Variants in AMPH observed in about 807,000 individuals in gnomAD.
The protein encoded by AMPH is amphiphysin (Stiff-Mann syndrome with breast cancer 128kD autoantigen).
In AMPH, 49 loss-of-function variants were observed where a neutral mutation model predicts 99.1. The observed-to-expected ratio is 0.49, with a 90% CI of 0.39 to 0.63. The LOEUF is 0.63. Ranked by LOEUF, AMPH falls within the 20% of genes least tolerant of loss-of-function variation. The pLI is 0.00. For synonymous variants in AMPH, 314 were observed against 317.3 expected (o/e 0.99, Z 0.11); for missense variants, 759 against 863.4 (o/e 0.88, Z 1.52).
intron 9 of AMPH, among the ~76,000 whole-genome samples, chr7:38,463,449 T>C (rs1169088962): frequency 1.3e-5 from 2 of 152,242 alleles, no homozygotes; most frequent in African/African-American, 4.8e-5. Context: ...ATTCAGGTCT[T>C]AGTAATGCAA....
chr7:38,587,384 A>G (rs1792694879), intron 1 of AMPH, among the ~76,000 whole-genome samples: 1 of 152,214 alleles, frequency 6.6e-6, no homozygotes, highest in African/African-American at 2.4e-5. Context: ...AGGTGGTTCC[A>G]GGAGAAACTG....
At chr7:38,535,848 T>C (rs925688038) in intron 1 of AMPH, among the ~76,000 whole-genome samples, 1 of 152,168 alleles carries the variant, frequency 6.6e-6, no homozygotes, top group Non-Finnish European at 1.5e-5. Flanking sequence ...CTCCCTCACC[T>C]GCTGCTCACT....
intron 7 of AMPH, among the ~76,000 whole-genome samples, 192 bp downstream of exon 7, chr7:38,475,139 A>T (rs1434026430): frequency 6.6e-6 from 1 of 152,182 alleles, no homozygotes; most frequent in Non-Finnish European, 1.5e-5. Context: ...CCTCCTTTTT[A>T]ATCCTAGCCA....
intron 1 of AMPH, among the ~76,000 whole-genome samples, chr7:38,605,279 G>A (rs1408405311): frequency 6.6e-6 from 1 of 152,120 alleles, no homozygotes; most frequent in African/African-American, 2.4e-5. Context: ...GCAAGAGGAA[G>A]AAAGGGGTTT....
intron 1 of AMPH, among the ~76,000 whole-genome samples, chr7:38,573,390 C>T (rs894161868): frequency 6.6e-6 from 1 of 152,206 alleles, no homozygotes; most frequent in Non-Finnish European, 1.5e-5. Flanking sequence ...TATACACATA[C>T]ATACACTCCT....
intron 12 of AMPH, among the ~76,000 whole-genome samples, chr7:38,435,262 C>A (rs1786216633): frequency 6.6e-6 from 1 of 152,080 alleles, no homozygotes; most frequent in Admixed American, 6.5e-5. Flanking sequence ...TTTAGAAGCC[C>A]AATCACATTC....
intron 11 of AMPH, among the ~76,000 whole-genome samples, chr7:38,448,629 T>G (rs1786884131): frequency 6.6e-6 from 1 of 152,194 alleles, no homozygotes; most frequent in South Asian, 2.1e-4. Flanking sequence ...TTATGTAGTA[T>G]TTTTGGATCA....
chr7:38,619,057 T>C (rs769363397), intron 1 of AMPH, among the ~76,000 whole-genome samples: 10 of 152,150 alleles, frequency 6.6e-5, no homozygotes, highest in Admixed American at 1.3e-4. Flanking sequence ...CCAGGCATGA[T>C]GGCAAGTGCC....
intron 5 of AMPH, among the ~76,000 whole-genome samples, chr7:38,488,001 G>T (rs1024287536): frequency 6.6e-6 from 1 of 152,084 alleles, no homozygotes; most frequent in Non-Finnish European, 1.5e-5. Context: ...TTAGAATGGC[G>T]ATCAATAAAA....
rs188628619 is a variant in AMPH, at chr7:38,439,392, T to A, written c.1018-3004A>T. ...GCTCAACTTCTACTTAGCTTTGCCC[T>A]CTTAATCTTGAGAATTATCCCTTAA... On this transcript the variant is annotated intron_variant, in intron 11 of 20. Transcript: ENST00000356264. Among the ~76,000 whole-genome samples the A allele has an allele frequency of 2.7e-3, 410 of 152,322 alleles. 1 individual carries two copies. Among genetic ancestry groups the A allele is most frequent in the Non-Finnish European group, 3.7e-3 (253 of 68,016 alleles).
chr7:38,501,127 G>A (rs762669056), intron 3 of AMPH, among the ~76,000 whole-genome samples: 15 of 152,136 alleles, frequency 9.9e-5, no homozygotes, highest in Non-Finnish European at 2.1e-4. Flanking sequence ...ATGCAATCTG[G>A]CCCTGTTGTT....
chr7:38,418,309 CAGAG>C (rs145976868), intron 16 of AMPH, among the ~76,000 whole-genome samples: 1 of 149,354 alleles, frequency 6.7e-6, no homozygotes, highest in Non-Finnish European at 1.5e-5. Context: ...GAGACAGAGA[CAGAG>C]AGAGAGAGAG....
At chr7:38,460,696 A>C (rs1305716550) in intron 11 of AMPH, among the ~76,000 whole-genome samples, 15 of 152,208 alleles carry the variant, frequency 9.9e-5, no homozygotes, top group Non-Finnish European at 1.5e-5. Flanking sequence ...CCAGAGGCTG[A>C]GAAGGATGTG....
chr7:38,565,206 T>C (rs905478919), intron 1 of AMPH, among the ~76,000 whole-genome samples: 36 of 152,242 alleles, frequency 2.4e-4, no homozygotes, highest in East Asian at 1.9e-4. Context: ...TAATTTAATA[T>C]GATTTATTAT....
chr7:38,423,215 T>C (rs1051591410), intron 15 of AMPH, among the ~76,000 whole-genome samples: 1 of 152,234 alleles, frequency 6.6e-6, no homozygotes, highest in East Asian at 1.9e-4. Context: ...CTATGGGTTA[T>C]GTATGAACCA....
intron 7 of AMPH, among the ~76,000 whole-genome samples, chr7:38,470,210 A>G (rs949416273): frequency 2.0e-5 from 3 of 152,146 alleles, no homozygotes; most frequent in African/African-American, 7.2e-5. Flanking sequence ...CAAAATGACA[A>G]AAGTTATTTT....
chr7:38,535,594 T>A (rs948445679), intron 1 of AMPH, among the ~76,000 whole-genome samples: 1 of 152,150 alleles, frequency 6.6e-6, no homozygotes, highest in Non-Finnish European at 1.5e-5. Flanking sequence ...TTGTAATATA[T>A]CATGAAATAA....
At chr7:38,466,148 T>A (rs763330910) in intron 8 of AMPH, 25 bp downstream of exon 8, 1 of 1,579,524 alleles carries the variant, frequency 6.3e-7, no homozygotes, top group South Asian at 1.1e-5. Flanking sequence ...ATATTCCATA[T>A]GCAAAAATTA....
At chr7:38,520,876 C>T (rs1475780583) in intron 2 of AMPH, among the ~76,000 whole-genome samples, 1 of 152,180 alleles carries the variant, frequency 6.6e-6, no homozygotes, top group Non-Finnish European at 1.5e-5. Flanking sequence ...CAACTATTCA[C>T]TGCACCAACT....
Sources: allele counts gnomAD v4.1 joint callset (sites outside exome capture counted in the v4.1 genomes callset), GRCh38; gene constraint gnomAD v4.1.1; transcripts MANE v1.5; gene names NCBI Gene and HGNC (gene_info 2026-07-23, HGNC 2026-07-21).